The following SPINK5 variants were observed in gnomAD, a reference collection of about 807,000 sequenced individuals.
SPINK5 encodes the protein serine peptidase inhibitor Kazal type 5.
SPINK5 carries 125 observed loss-of-function variants against 151.8 expected under a neutral mutation model. The ratio of observed to expected loss-of-function variants is 0.82; its 90% confidence interval spans 0.71 to 0.96. The LOEUF is 0.96. Among genes scored for constraint, SPINK5 ranks in the 40% least tolerant of loss-of-function variants. The pLI is 0.00. For synonymous variants in SPINK5, 374 were observed against 395.3 expected, an observed-to-expected ratio of 0.95 and a Z score of 0.64; for missense variants, 1,194 against 1,291.9, an observed-to-expected ratio of 0.92 and a Z score of 1.16.
Position 148,118,497 on chromosome 5 carries a change from A to G in SPINK5, c.2173A>G (p.Ser725Gly), listed in dbSNP as rs1161115892. 6.2e-7 allele frequency: 1 copy of G among 1,614,136 alleles called. No individual in the cohort carries two copies. Residue 725 changes from serine (S) to glycine (G), a missense_variant, in exon 23 of 33, where the codon AGT becomes GGT. Transcript: ENST00000256084. ...TGGAAGACTCAGCTGTACTCGGGAG[A>G]GTGATCCTGTACGTGATGCTGATGG... ...KNGRLSCTRESDPVRDADGKS... is the reference protein window; with the variant it reads ...KNGRLSCTREGDPVRDADGKS...
In SPINK5 at chr5:148,124,837, G is replaced by A. The variant is rs762853841; in HGVS notation, c.2739G>A (p.Lys913=). Reference sequence around the variant, plus strand: ...GTAGCAAGCCCTCAAATAATGCAAAGGTTATTTATTAAAGGATACCAAAAT... The same window carrying A: ...GTAGCAAGCCCTCAAATAATGCAAAAGTTATTTATTAAAGGATACCAAAAT... ...KSSSKPSNNA[K]DECSEFRNYI... The change falls in exon 28 of 33, where the codon AAG becomes AAA. Residue 913 remains lysine, a splice_region_variant and synonymous_variant. Coordinates refer to ENST00000256084, the MANE Select transcript of SPINK5 (RefSeq NM_006846.4). 24 of 1,593,644 alleles carry A rather than the reference G, an allele frequency of 1.5e-5. No homozygotes were observed. Among genetic ancestry groups the A allele is most frequent in the Non-Finnish European group, 2.0e-5 (23 of 1,171,734 alleles).
chr5:148,118,415 C>T, intron 22 of SPINK5, 22 bp from the exon 23 acceptor site: 1 of 1,613,948 alleles, frequency 6.2e-7, no homozygotes, highest in Non-Finnish European at 8.5e-7. Context: ...TCCAGGGGCT[C>T]TTCGTTCTTC....
chr5:148,099,370 T>G, intron 12 of SPINK5, 55 bp downstream of exon 12: 2 of 1,513,978 alleles, frequency 1.3e-6, no homozygotes, highest in Non-Finnish European at 1.8e-6. Flanking sequence ...GAACAAATTT[T>G]AAGAGCCTAA....
chr5:148,069,965 C>T (rs1332178362), intron 2 of SPINK5, among the ~76,000 whole-genome samples: 1 of 152,064 alleles, frequency 6.6e-6, no homozygotes, highest in African/African-American at 2.4e-5. Context: ...AACACCTTGC[C>T]TCAGTCCTTC....
chr5:148,091,387 T>G (rs1753305870), intron 8 of SPINK5, among the ~76,000 whole-genome samples, 159 bp downstream of exon 8: 1 of 151,814 alleles, frequency 6.6e-6, no homozygotes, highest in Non-Finnish European at 1.5e-5. Context: ...TCCTAGAATA[T>G]TAATCATTAG....
At chr5:148,131,502 C>A in intron 31 of SPINK5, 113 bp downstream of exon 31, 1 of 1,469,628 alleles carries the variant, frequency 6.8e-7, no homozygotes, top group Non-Finnish European at 9.4e-7. Context: ...GTAATTTATT[C>A]ATCATAGAAG....
chr5:148,128,353 A>AC (rs1231132890), intron 30 of SPINK5, among the ~76,000 whole-genome samples: 1 of 152,136 alleles, frequency 6.6e-6, no homozygotes, highest in African/African-American at 2.4e-5. Context: ...TCATCAGCAG[A>AC]CCAGTAGCCC....
At chr5:148,119,364 T>C (rs1754190471) in intron 24 of SPINK5, among the ~76,000 whole-genome samples, 1 of 152,232 alleles carries the variant, frequency 6.6e-6, no homozygotes, top group Non-Finnish European at 1.5e-5. Flanking sequence ...AATGAGGTTT[T>C]GCAAGTATAC....
At chr5:148,073,858 A>G (rs1012329085) in intron 4 of SPINK5, among the ~76,000 whole-genome samples, 5 of 142,318 alleles carry the variant, frequency 3.5e-5, no homozygotes, top group Admixed American at 2.1e-4. Flanking sequence ...ACACACACAC[A>G]CACAAAACTG....
chr5:148,064,940 T>C (rs1752538733), intron 1 of SPINK5, among the ~76,000 whole-genome samples: 3 of 152,146 alleles, frequency 2.0e-5, no homozygotes, highest in Admixed American at 1.3e-4. Context: ...ATAAATGTAA[T>C]GCTATATTAT....
intron 30 of SPINK5, among the ~76,000 whole-genome samples, chr5:148,129,602 TTGAG>T (rs1322544047): frequency 6.6e-6 from 1 of 152,196 alleles, no homozygotes; most frequent in East Asian, 1.9e-4. Context: ...ATATACCTGG[TTGAG>T]TCTAACCTTT....
At chr5:148,120,682 G>A (rs1172380976) in intron 26 of SPINK5, among the ~76,000 whole-genome samples, 1 of 152,104 alleles carries the variant, frequency 6.6e-6, no homozygotes, top group African/African-American at 2.4e-5. Flanking sequence ...CTGTTGCTCA[G>A]GATGGTCTCG....
chr5:148,092,416 G>C (rs1753335849), intron 8 of SPINK5, among the ~76,000 whole-genome samples: 1 of 151,850 alleles, frequency 6.6e-6, no homozygotes, highest in Non-Finnish European at 1.5e-5. Context: ...CTAAAACTTT[G>C]GGTCATCCTG....
At position 148,120,021 on chromosome 5, in the gene SPINK5, G is replaced by A; in HGVS notation, c.2326G>A (p.Glu776Lys). Residue 776 changes from glutamate (E) to lysine (K), a missense_variant, in exon 25 of 33, where the codon GAG becomes AAG. Coordinates refer to ENST00000256084, the MANE Select transcript of SPINK5 (RefSeq NM_006846.4). ...GSESGKDTCD[E>K]FRSQMKNGKL... is the part of the protein sequence containing the mutation. ...CCCATCTTTTCAGGATACATGTGAT[G>A]AGTTTAGAAGCCAAATGAAAAATGG... 1.9e-6 allele frequency: 3 copies of A among 1,613,918 alleles called. No homozygotes were observed. Among genetic ancestry groups the A allele is most frequent in the Non-Finnish European group, 8.5e-7 (1 of 1,179,842 alleles).
At chr5:148,113,012 C>T in intron 20 of SPINK5, 78 bp downstream of exon 20, 3 of 1,583,822 alleles carry the variant, frequency 1.9e-6, no homozygotes, top group Non-Finnish European at 1.7e-6. Flanking sequence ...TATGGAATTA[C>T]TGAAACCCCA....
chr5:148,096,196 A>G (rs1370053168), intron 10 of SPINK5, among the ~76,000 whole-genome samples: 2 of 151,940 alleles, frequency 1.3e-5, no homozygotes, highest in African/African-American at 2.4e-5. Context: ...TCTGAATTCA[A>G]AGTGTGATAT....
chr5:148,089,860 C>A (rs1156309782), intron 7 of SPINK5, among the ~76,000 whole-genome samples: 1 of 151,746 alleles, frequency 6.6e-6, no homozygotes, highest in Non-Finnish European at 1.5e-5. Flanking sequence ...ACTCTCATTT[C>A]TTTTAAATTA....
At chr5:148,064,123 A>G (rs1303187851) in intron 1 of SPINK5, 24 bp downstream of exon 1, 2 of 1,613,982 alleles carry the variant, frequency 1.2e-6, no homozygotes, top group African/African-American at 2.7e-5. Context: ...GTGTAATCTA[A>G]GCCTCTTGCC....
Position 148,119,864 on chromosome 5 carries a change from C to G in SPINK5, c.2314-145C>G, listed in dbSNP as rs1027896730. 7 of 801,338 alleles carry G rather than the reference C, an allele frequency of 8.7e-6. No individual in the cohort carries two copies. In the South Asian group the frequency reaches 1.2e-4, roughly 14 times the overall value. The allele number at this position is 801,338 out of a possible 1,614,324, so 49.6% of individuals were successfully genotyped here. The stretch of plus-strand genomic sequence containing the variant: ...GAGGTTCCAGGAATTAGAACATAGA[C>G]GTCTCTCTCTGTGGGACATTATTTT... On this transcript the variant is annotated intron_variant, in intron 24 of 32. Transcript: ENST00000256084.
Sources: gnomAD v4.1 joint callset for allele counts (sites outside exome capture counted in the v4.1 genomes callset) on GRCh38, gnomAD v4.1.1 for gene constraint, MANE v1.5 for transcripts, NCBI Gene and HGNC (gene_info 2026-07-23, HGNC 2026-07-21) for gene names.